The following CDH18 variants were observed in gnomAD, a reference collection of about 807,000 sequenced individuals.
The protein encoded by CDH18 is cadherin 18, also known as cadherin-18.
A neutral mutation model predicts 67.9 loss-of-function variants in CDH18; 31 were observed. The observed-to-expected ratio is 0.46, with a 90% CI of 0.34 to 0.62. The LOEUF is 0.62. Among genes scored for constraint, CDH18 ranks in the 20% least tolerant of loss-of-function variants. CDH18 has a pLI of 0.01. For synonymous variants in CDH18, 362 were observed against 347.2 expected (o/e 1.04, Z -0.48); for missense variants, 890 against 975.5 (o/e 0.91, Z 1.17).
At chr5:19,575,317 T>C (rs549440403) in intron 7 of CDH18, among the ~76,000 whole-genome samples, 2 of 152,202 alleles carry the variant, frequency 1.3e-5, no homozygotes, top group Non-Finnish European at 1.5e-5. Flanking sequence ...ACATTCACCA[T>C]GGTGATGATG....
At chr5:19,950,068 G>C (rs1795646593) in intron 2 of CDH18, among the ~76,000 whole-genome samples, 1 of 150,678 alleles carries the variant, frequency 6.6e-6, no homozygotes, top group Non-Finnish European at 1.5e-5. Context: ...ACATATATAT[G>C]TATATATCCA....
Position 20,432,734 on chromosome 5 carries a change from G to T in CDH18, c.-580+142728C>A, listed in dbSNP as rs112622506. 6.3e-3 allele frequency among the ~76,000 whole-genome samples: 960 copies of T among 151,880 alleles called. 5 individuals are homozygous for T. The highest frequency in any genetic ancestry group is 0.014 in the Middle Eastern group (4 of 292). ...CCAGTCATATTGAATTACAGCCTGA[G>T]CTAACAATCCTATTTTAACTTAACT... On this transcript the variant is annotated intron_variant, in intron 1 of 14. Coordinates refer to the CDH18 transcript ENST00000507958.
chr5:19,887,168 T>C (rs577854599), intron 2 of CDH18, among the ~76,000 whole-genome samples: 2 of 151,604 alleles, frequency 1.3e-5, no homozygotes, highest in East Asian at 3.9e-4. Context: ...TTTTTTTTTT[T>C]TGCTACCCTT....
chr5:20,483,362 C>T (rs771710162), intron 1 of CDH18, among the ~76,000 whole-genome samples: 3 of 151,846 alleles, frequency 2.0e-5, no homozygotes, highest in Non-Finnish European at 2.9e-5. Flanking sequence ...TAAACAGATT[C>T]AATGCAATTC....
intron 1 of CDH18, among the ~76,000 whole-genome samples, chr5:20,378,546 T>C (rs1562016348): frequency 6.6e-6 from 1 of 152,188 alleles, no homozygotes; most frequent in Admixed American, 6.5e-5. Context: ...TATCACTATA[T>C]TGATTTTACA....
At chr5:19,613,757 T>G (rs949252103) in intron 5 of CDH18, among the ~76,000 whole-genome samples, 3 of 152,136 alleles carry the variant, frequency 2.0e-5, no homozygotes, top group African/African-American at 7.2e-5. Context: ...CAGGGTATAT[T>G]AACTATGCCA....
At chr5:20,304,902 C>G in intron 1 of CDH18, 2 of 1,612,492 alleles carry the variant, frequency 1.2e-6, no homozygotes, top group Non-Finnish European at 1.7e-6. Context: ...AGATAGGTGT[C>G]AGATCACAGA....
chr5:20,304,227 G>A (rs540393059), intron 1 of CDH18: 7 of 1,523,400 alleles, frequency 4.6e-6, no homozygotes, highest in African/African-American at 2.7e-5. Flanking sequence ...GGTGGAATCA[G>A]AGCATTCAGC....
intron 1 of CDH18, among the ~76,000 whole-genome samples, chr5:20,491,731 C>T (rs1325465625): frequency 6.6e-6 from 1 of 152,140 alleles, no homozygotes; most frequent in African/African-American, 2.4e-5. Flanking sequence ...AATCTGCTTT[C>T]CTCAAGGTCT....
intron 1 of CDH18, among the ~76,000 whole-genome samples, chr5:20,395,375 A>T (rs1745202831): frequency 6.6e-6 from 1 of 152,166 alleles, no homozygotes; most frequent in African/African-American, 2.4e-5. Context: ...CCACTTATTA[A>T]GTGGGAACTA....
At chr5:20,155,633 C>T (rs1176094383) in intron 2 of CDH18, among the ~76,000 whole-genome samples, 1 of 152,040 alleles carries the variant, frequency 6.6e-6, no homozygotes, top group Non-Finnish European at 1.5e-5. Flanking sequence ...AGGACTTAAT[C>T]ATAAATTCTT....
chr5:20,382,629 G>A (rs985770412), intron 1 of CDH18, among the ~76,000 whole-genome samples: 6 of 152,106 alleles, frequency 3.9e-5, no homozygotes, highest in African/African-American at 1.4e-4. Flanking sequence ...AGATGAACAG[G>A]AGGAATGGAG....
chr5:20,321,323 CT>C (rs2150007144), intron 1 of CDH18, among the ~76,000 whole-genome samples: 1 of 152,080 alleles, frequency 6.6e-6, no homozygotes, highest in Admixed American at 6.5e-5. Flanking sequence ...CCATGTTTTA[CT>C]TCCTTTGCAA....
chr5:20,130,926 CTCTT>C (rs1205120125), intron 2 of CDH18, among the ~76,000 whole-genome samples: 2 of 151,236 alleles, frequency 1.3e-5, no homozygotes, highest in East Asian at 3.9e-4. Flanking sequence ...AACTCGAGGA[CTCTT>C]TATTCCTATT....
rs556087749 is a variant in CDH18, at chr5:20,062,469, C to T, written c.-517-70455G>A. ...TTGCTACCCAAAACAAATACAGCAG[C>T]ATCCTGAGTGCTGCCTTAGAAAACA... On this transcript the variant is annotated intron_variant, in intron 2 of 14. Transcript: ENST00000507958. Among the ~76,000 whole-genome samples, 8 of 152,230 alleles carry T rather than the reference C, an allele frequency of 5.3e-5. 1 individual carries two copies. The East Asian group carries it at 1.5e-3, about 29-fold the overall frequency.
intron 2 of CDH18, among the ~76,000 whole-genome samples, chr5:19,929,495 G>T (rs1793449330): frequency 6.6e-6 from 1 of 152,070 alleles, no homozygotes; most frequent in South Asian, 2.1e-4. Flanking sequence ...TATTTAGATG[G>T]TATCAGCCCA....
At chr5:20,248,229 G>C (rs1341216414) in intron 2 of CDH18, among the ~76,000 whole-genome samples, 1 of 151,838 alleles carries the variant, frequency 6.6e-6, no homozygotes, top group Non-Finnish European at 1.5e-5. Flanking sequence ...TCTTCAGTGA[G>C]ACATGTTTCA....
At chr5:19,488,040 C>G (rs10062623) in intron 11 of CDH18, among the ~76,000 whole-genome samples, 2,249 of 152,188 alleles carry the variant, frequency 0.015, 69 homozygotes, top group African/African-American at 0.05. Context: ...GAATACAAGT[C>G]ACATGCTTCT....
intron 2 of CDH18, among the ~76,000 whole-genome samples, chr5:19,861,294 T>TC (rs1214024119): frequency 6.6e-5 from 10 of 151,628 alleles, no homozygotes; most frequent in Non-Finnish European, 1.3e-4. Context: ...AGATGGGTTT[T>TC]TTTTTATATC....
Sources: allele counts gnomAD v4.1 joint callset (sites outside exome capture counted in the v4.1 genomes callset), GRCh38; gene constraint gnomAD v4.1.1; transcripts MANE v1.5; gene names NCBI Gene and HGNC (gene_info 2026-07-23, HGNC 2026-07-21).